OBP2B: variants seen among roughly 807,000 people sequenced by gnomAD.
OBP2B encodes the protein odorant binding protein 2B, also known as odorant-binding protein 2b.
Under a neutral mutation model 21.7 loss-of-function variants are expected in OBP2B, and 10 were observed. The observed-to-expected ratio is 0.46, with a 90% confidence interval of 0.28 to 0.78. The LOEUF is 0.78. Ranked by LOEUF, OBP2B falls within the 30% of genes least tolerant of loss-of-function variation. The pLI is 0.11. For missense variants in OBP2B, 153 were observed against 217.7 expected, an observed-to-expected ratio of 0.70 and a Z score of 1.87; for synonymous variants, 73 against 91.5, an observed-to-expected ratio of 0.80 and a Z score of 1.16.
chr9:133,212,179 G>A (rs1312419191), upstream of OBP2B, among the ~76,000 whole-genome samples: 2 of 152,168 alleles, frequency 1.3e-5, no homozygotes, highest in African/African-American at 2.4e-5. Flanking sequence ...AACATTAGCT[G>A]CACAATATGT....
At chr9:133,207,463 G>T (rs75212266) in intron 3 of OBP2B, 127 bp from the exon 4 acceptor site, 20 of 652,600 alleles carry the variant, frequency 3.1e-5, no homozygotes, top group Non-Finnish European at 4.3e-5. Flanking sequence ...TGGCTGCTCC[G>T]CACAGTGTGG....
At chr9:133,218,078 G>A in the OBP2B span, among the ~76,000 whole-genome samples, 1 of 152,202 alleles carries the variant, frequency 6.6e-6, no homozygotes, top group Admixed American at 6.5e-5. Flanking sequence ...GGGGTTATTT[G>A]TCCTTTAAAT....
upstream of OBP2B, among the ~76,000 whole-genome samples, chr9:133,213,792 G>C (rs1325526534): frequency 2.0e-5 from 3 of 152,114 alleles, no homozygotes; most frequent in Non-Finnish European, 4.4e-5. Flanking sequence ...AATTTTAAAA[G>C]CTTCCAAAAA....
chr9:133,219,745 C>A, the OBP2B span, among the ~76,000 whole-genome samples: 8 of 152,160 alleles, frequency 5.3e-5, no homozygotes, highest in Non-Finnish European at 1.0e-4. Flanking sequence ...TTATTTAATA[C>A]CATATGACCC....
At chr9:133,218,137 T>C in the OBP2B span, among the ~76,000 whole-genome samples, 1 of 152,180 alleles carries the variant, frequency 6.6e-6, no homozygotes, top group Non-Finnish European at 1.5e-5. Context: ...ACACCGAATT[T>C]AAGACATGAA....
chr9:133,217,997 C>T, the OBP2B span, among the ~76,000 whole-genome samples: 42 of 152,306 alleles, frequency 2.8e-4, no homozygotes, highest in South Asian at 8.1e-3. Flanking sequence ...CTGGTTCATA[C>T]GTTATTTTAA....
upstream of OBP2B, among the ~76,000 whole-genome samples, chr9:133,212,107 A>G (rs1488955903): frequency 6.6e-6 from 1 of 152,260 alleles, no homozygotes; most frequent in Non-Finnish European, 1.5e-5. Flanking sequence ...GAGGGAAATT[A>G]TACAATAATA....
At chr9:133,214,199 G>A (rs1189450780), upstream of OBP2B, among the ~76,000 whole-genome samples, 1 of 152,180 alleles carries the variant, frequency 6.6e-6, no homozygotes, top group Non-Finnish European at 1.5e-5. Context: ...AGGAATAGAA[G>A]AGAACCTCCT....
At chr9:133,218,509 C>A in the OBP2B span, among the ~76,000 whole-genome samples, 1 of 152,186 alleles carries the variant, frequency 6.6e-6, no homozygotes, top group African/African-American at 2.4e-5. Flanking sequence ...CGGCAATAAC[C>A]CAGGATGGTG....
chr9:133,217,681 AG>A, the OBP2B span, among the ~76,000 whole-genome samples: 1 of 152,010 alleles, frequency 6.6e-6, no homozygotes, highest in African/African-American at 2.4e-5. Flanking sequence ...GTGGGGAGAG[AG>A]GCTTCCTGCT....
intron 4 of OBP2B, 79 bp downstream of exon 4, chr9:133,207,147 G>A (rs1833749223): frequency 3.0e-6 from 3 of 996,390 alleles, no homozygotes; most frequent in Admixed American, 3.5e-5. Context: ...CCATGCCAGG[G>A]CATGGTGGTG....
the OBP2B span, among the ~76,000 whole-genome samples, chr9:133,223,207 A>G: frequency 6.6e-6 from 1 of 152,150 alleles, no homozygotes; most frequent in Non-Finnish European, 1.5e-5. This position sits in a 1 kb window ranked among gnomAD's most constrained non-coding sequence, Gnocchi z 4.4. Context: ...CATAACATGG[A>G]GAAAGGACTC....
chr9:133,219,995 C>G, the OBP2B span, among the ~76,000 whole-genome samples: 1 of 152,138 alleles, frequency 6.6e-6, no homozygotes, highest in Non-Finnish European at 1.5e-5. Context: ...AAACATTATG[C>G]TAAGGGAAAG....
At chr9:133,205,531 C>T in intron 6 of OBP2B, 120 bp from the exon 7 acceptor site, 3 of 691,236 alleles carry the variant, frequency 4.3e-6, no homozygotes, top group African/African-American at 1.8e-5. Context: ...AACCTCGGGG[C>T]TCCAGAGCGA....
chr9:133,213,774 A>G (rs1833943650), upstream of OBP2B, among the ~76,000 whole-genome samples: 1 of 152,250 alleles, frequency 6.6e-6, no homozygotes, highest in Admixed American at 6.5e-5. Context: ...AATTAAAGTT[A>G]ACATTTTAAT....
At position 133,207,271 on chromosome 9, in the gene OBP2B, T is replaced by C. The variant is rs1386270761; in HGVS notation, c.343A>G (p.Lys115Glu). ...AGCAGGCCCCCATGGTGCTGGTCTT[T>C]GCAGTAAAAGATGTAGTGGTCCCTC... ...PRRDHYIFYC[K>E]DQHHGGLLHM... Residue 115 changes from lysine to glutamate, a missense_variant, in exon 4 of 7, where the codon AAA becomes GAA. Around this residue, in one of 2 missense-constraint regions of OBP2B, gnomAD observed 151 missense variants for 186.3 expected, o/e 0.81. Coordinates refer to ENST00000372034, the MANE Select transcript of OBP2B (RefSeq NM_014581.4). 1 of 1,613,900 alleles carries C rather than the reference T, an allele frequency of 6.2e-7. No individual in the cohort carries two copies. The highest frequency in any genetic ancestry group is 1.7e-5 in the Admixed American group (1 of 60,008).
rs1833796078 is a variant in OBP2B, at chr9:133,208,077, G to T, written c.277+56C>A. The T allele has an allele frequency of 5.9e-6, 9 of 1,521,230 alleles. No individual in the cohort carries two copies. The East Asian group carries it at 1.7e-4, about 29-fold the overall frequency. The allele number at this position is 1,521,230 out of a possible 1,614,324, so 94.2% of individuals were successfully genotyped here. A position where few individuals can be genotyped will look rare whatever the true frequency, so the allele number is the denominator to read the frequency against. On this transcript the variant is annotated intron_variant, in intron 3 of 6. Transcript: ENST00000372034. ...GGGCACTCTCTACCTGTGGAGGCTG[G>T]TGCACTGGGGTTGGCGGTGGGGGAG...
chr9:133,214,532 T>TC, the OBP2B span, among the ~76,000 whole-genome samples: 1 of 152,222 alleles, frequency 6.6e-6, no homozygotes, highest in Non-Finnish European at 1.5e-5. Context: ...TCATTAATCG[T>TC]CTGTCCAGAG....
At chr9:133,208,817 G>A (rs1833836634) in intron 1 of OBP2B, among the ~76,000 whole-genome samples, 1 of 152,002 alleles carries the variant, frequency 6.6e-6, no homozygotes, top group African/African-American at 2.4e-5. Flanking sequence ...AGGAGGGCAT[G>A]TCTGCACCCC....
Sources: gnomAD v4.1 joint callset for allele counts (sites outside exome capture counted in the v4.1 genomes callset) on GRCh38, gnomAD v4.1.1 for gene constraint, gnomAD v4.1.1 regional missense constraint, Gnocchi (gnomAD v3.1) non-coding constraint, MANE v1.5 for transcripts, NCBI Gene and HGNC (gene_info 2026-07-23, HGNC 2026-07-21) for gene names.